ALPL: variants seen among roughly 807,000 people sequenced by gnomAD.
ALPL encodes alkaline phosphatase, biomineralization associated.
In ALPL, 42 loss-of-function variants were observed where a neutral mutation model predicts 51.3. The observed-to-expected ratio is 0.82, with a 90% confidence interval of 0.64 to 1.06. ALPL has a LOEUF of 1.06. ALPL is among the 50% of genes least tolerant of loss of function. ALPL has a pLI of 0.00. For synonymous variants in ALPL, 279 were observed against 296.4 expected, an observed-to-expected ratio of 0.94 and a Z score of 0.60; for missense variants, 589 against 709.4, an observed-to-expected ratio of 0.83 and a Z score of 1.93.
rs771632536 is a variant in ALPL, at chr1:21,575,782, G to T, written c.1047G>T (p.Leu349=). Reference sequence around the variant, plus strand: ...ATGAAGGAAAAGCCAAGCAGGCCCTGCATGAGGCGGTGGAGATGGACCGGG... The same window carrying T: ...ATGAAGGAAAAGCCAAGCAGGCCCTTCATGAGGCGGTGGAGATGGACCGGG... The part of the protein sequence containing the change: ...GHHEGKAKQA[L]HEAVEMDRAI... Residue 349 remains leucine, a synonymous_variant, in exon 10 of 12, where the codon CTG becomes CTT. Transcript: ENST00000374840. The T allele has an allele frequency of 6.2e-7, 1 of 1,614,126 alleles. No homozygotes were observed. Among genetic ancestry groups the T allele is most frequent in the Non-Finnish European group, 8.5e-7 (1 of 1,180,044 alleles).
chr1:21,553,981 T>C lies in ALPL; in HGVS notation c.-101T>C. The C allele has an allele frequency of 1.0e-6, 1 of 973,984 alleles. No homozygotes were observed. Among genetic ancestry groups the C allele is most frequent in the Non-Finnish European group, 1.7e-6 (1 of 598,274 alleles). 60.3% of individuals were successfully genotyped at this position (973,984 alleles called of 1,614,324 possible). A position where few individuals can be genotyped will look rare whatever the true frequency, so the allele number is the denominator to read the frequency against. On this transcript the variant is annotated 5_prime_UTR_variant, in exon 2 of 12. Transcript: ENST00000374840. The stretch of plus-strand genomic sequence containing the variant: ...TTTCTCTTTTTTTAATTTCTAGGAT[T>C]GGAACATCAGTTAACATCTGACCAC...
chr1:21,552,583 A>C (rs1442336411), intron 1 of ALPL, among the ~76,000 whole-genome samples: 3 of 152,116 alleles, frequency 2.0e-5, no homozygotes, highest in Admixed American at 6.5e-5. Flanking sequence ...TTAAAATACA[A>C]AAATTTTTCT....
At chr1:21,572,905 G>T (rs1570296063) in intron 8 of ALPL, among the ~76,000 whole-genome samples, 1 of 128,390 alleles carries the variant, frequency 7.8e-6, no homozygotes, top group African/African-American at 2.5e-5. Flanking sequence ...ACATGTAAAT[G>T]CACACACACT....
At chr1:21,575,615 C>A in intron 9 of ALPL, 118 bp from the exon 10 acceptor site, 1 of 1,258,780 alleles carries the variant, frequency 7.9e-7, no homozygotes, top group Non-Finnish European at 1.2e-6. Flanking sequence ...TGGTGCCCGG[C>A]GAAGGTTCCT....
intron 1 of ALPL, among the ~76,000 whole-genome samples, chr1:21,531,098 C>A (rs1241167011): frequency 6.6e-6 from 1 of 151,844 alleles, no homozygotes; most frequent in Admixed American, 6.6e-5. Flanking sequence ...GGATTACAGG[C>A]ACCCACCACC....
chr1:21,567,237 G>A (rs995600796), intron 6 of ALPL, among the ~76,000 whole-genome samples: 20 of 152,246 alleles, frequency 1.3e-4, no homozygotes, highest in African/African-American at 4.6e-4. Flanking sequence ...GCAGTGGCCC[G>A]GGCTGGCACC....
Position 21,573,655 on chromosome 1 carries a change from T to C in ALPL, c.863-10T>C. The C allele has an allele frequency of 1.9e-6, 3 of 1,613,076 alleles. No individual in the cohort carries two copies. The highest frequency in any genetic ancestry group is 2.5e-6 in the Non-Finnish European group (3 of 1,179,774). On this transcript the variant is annotated splice_polypyrimidine_tract_variant and intron_variant, in intron 8 of 11. Transcript: ENST00000374840. Reference sequence around the variant, plus strand: ...TCTCAGCATCCACATCCTCCTGGCGTCCTCCTCAGGTCTCTTCGAGCCAGG... The same window carrying C: ...TCTCAGCATCCACATCCTCCTGGCGCCCTCCTCAGGTCTCTTCGAGCCAGG...
intron 1 of ALPL, among the ~76,000 whole-genome samples, chr1:21,527,696 C>T (rs1021572092): frequency 6.6e-5 from 10 of 151,772 alleles, no homozygotes; most frequent in African/African-American, 2.4e-4. Context: ...ATTAGTGGCA[C>T]CTGCCACCAC....
intron 7 of ALPL, among the ~76,000 whole-genome samples, chr1:21,569,930 A>G (rs1644622189): frequency 6.6e-6 from 1 of 152,066 alleles, no homozygotes; most frequent in Admixed American, 6.5e-5. Flanking sequence ...AGGCCCCTGG[A>G]GACCTGTGCC....
intron 1 of ALPL, among the ~76,000 whole-genome samples, chr1:21,520,275 C>T (rs1643870404): frequency 6.6e-6 from 1 of 151,822 alleles, no homozygotes; most frequent in Non-Finnish European, 1.5e-5. Flanking sequence ...AGGCTTGTGC[C>T]ACCATGCCCA....
At chr1:21,537,417 C>T (rs1262432008) in intron 1 of ALPL, among the ~76,000 whole-genome samples, 4 of 152,120 alleles carry the variant, frequency 2.6e-5, no homozygotes, top group Non-Finnish European at 5.9e-5. Context: ...CTTTGTGGAG[C>T]GGGCACTCTG....
Position 21,573,839 on chromosome 1 carries a change from C to T in ALPL, c.997+40C>T, listed in dbSNP as rs756744569. On this transcript the variant is annotated intron_variant, in intron 9 of 11. Transcript: ENST00000374840. Reference sequence around the variant, plus strand: ...TCTGCTGAGAGGGGGCTGCTGGAAACACGGCCCTGGTGTCAGGATGGAGAA... The same window carrying T: ...TCTGCTGAGAGGGGGCTGCTGGAAATACGGCCCTGGTGTCAGGATGGAGAA... The T allele has an allele frequency of 1.1e-5, 17 of 1,613,734 alleles. No individual in the cohort carries two copies. In the East Asian group the frequency reaches 3.6e-4, roughly 34 times the overall value.
At position 21,578,065 on chromosome 1, in the gene ALPL, C is replaced by T. The variant is rs1320426609; in HGVS notation, c.*417C>T. The T allele has an allele frequency of 1.3e-5, 3 of 235,424 alleles. No homozygotes were observed. Among genetic ancestry groups the T allele is most frequent in the Non-Finnish European group, 2.5e-5 (3 of 117,688 alleles). 14.6% of individuals were successfully genotyped at this position (235,424 alleles called of 1,614,324 possible). On this transcript the variant is annotated 3_prime_UTR_variant, in exon 12 of 12. Coordinates refer to ENST00000374840, the MANE Select transcript of ALPL (RefSeq NM_000478.6). This position sits in a 1 kb window ranked among gnomAD's most constrained non-coding sequence, Gnocchi z 4.2. ...CACTCCCATCTCCTTACCTCTGGAA[C>T]CCCCCAGGCCCTACAATGCTCATGT...
At chr1:21,522,264 C>T (rs555758520) in intron 1 of ALPL, among the ~76,000 whole-genome samples, 10 of 152,208 alleles carry the variant, frequency 6.6e-5, no homozygotes, top group Non-Finnish European at 1.0e-4. Flanking sequence ...TTAGTAGAGA[C>T]AGGGTTTCAC....
At chr1:21,542,325 G>A (rs1471892085) in intron 1 of ALPL, among the ~76,000 whole-genome samples, 1 of 152,172 alleles carries the variant, frequency 6.6e-6, no homozygotes, top group African/African-American at 2.4e-5. Context: ...GAGCCCAGAA[G>A]GCCCAGCTGA....
chr1:21,531,469 C>T (rs1644029945), intron 1 of ALPL, among the ~76,000 whole-genome samples: 1 of 152,118 alleles, frequency 6.6e-6, no homozygotes. Context: ...AAAATGTGGG[C>T]TTAGTGATAA....
At chr1:21,546,651 T>G (rs905798103) in intron 1 of ALPL, among the ~76,000 whole-genome samples, 16 of 152,244 alleles carry the variant, frequency 1.1e-4, no homozygotes, top group African/African-American at 3.6e-4. Flanking sequence ...GGCCAGCGCC[T>G]GGCAGGGCTT....
Position 21,564,208 on chromosome 1 carries a change from G to A in ALPL, c.640G>A (p.Asp214Asn), listed in dbSNP as rs952278980. The change falls in exon 6 of 12, where the codon GAC becomes AAC. Residue 214 changes from aspartate to asparagine, a missense_variant. Asp to Asn is a conservative substitution (Grantham distance 23). Coordinates refer to ENST00000374840, the MANE Select transcript of ALPL (RefSeq NM_000478.6). The surrounding 1 kb of genome is among the most constrained non-coding windows in gnomAD (Gnocchi z 5.8). ...IAYQLMHNIR[D>N]IDVIMGGGRK... ...CTACCAGCTCATGCATAACATCAGG[G>A]ACATTGACGTGAGTGCTCGGGGGCA... The A allele has an allele frequency of 6.2e-7, 1 of 1,613,832 alleles. No homozygotes were observed. Among genetic ancestry groups the A allele is most frequent in the Non-Finnish European group, 8.5e-7 (1 of 1,179,986 alleles).
chr1:21,573,180 T>C (rs938713297), intron 8 of ALPL, among the ~76,000 whole-genome samples: 1 of 152,184 alleles, frequency 6.6e-6, no homozygotes, highest in African/African-American at 2.4e-5. Context: ...ACGCCTGTAA[T>C]CCCAACACTT....
Sources: allele counts gnomAD v4.1 joint callset (sites outside exome capture counted in the v4.1 genomes callset), GRCh38; gene constraint gnomAD v4.1.1; non-coding constraint Gnocchi (gnomAD v3.1); transcripts MANE v1.5; gene names NCBI Gene and HGNC (gene_info 2026-07-23, HGNC 2026-07-21).